Variants in MYH3 observed in about 807,000 individuals in gnomAD.
The protein encoded by MYH3 is myosin heavy chain 3.
MYH3 carries 130 observed loss-of-function variants against 238.0 expected under a neutral mutation model. The ratio of observed to expected loss-of-function variants is 0.55; its 90% CI spans 0.47 to 0.63. The LOEUF is 0.63. MYH3 is among the 30% of genes least tolerant of loss of function. MYH3 has a pLI of 0.00. For synonymous variants in MYH3, 880 were observed against 924.1 expected (o/e 0.95, Z 0.86); for missense variants, 1,853 against 2,374.9 (o/e 0.78, Z 4.57).
At position 10,649,574 on chromosome 17, in the gene MYH3, T is replaced by A; in HGVS notation, c.642+3A>T. ...AAAGCAAGCCTTCCTCTCCCATCTA[T>A]ACCTTCATTTTGGAGTCCTTCTTCT... On this transcript the variant is annotated splice_donor_region_variant and intron_variant, in intron 7 of 40. Transcript: ENST00000583535. The A allele has an allele frequency of 6.2e-7, 1 of 1,611,364 alleles. No homozygotes were observed. The highest frequency in any genetic ancestry group is 1.3e-5 in the African/African-American group (1 of 74,998).
chr17:10,662,399 C>T, the MYH3 span, among the ~76,000 whole-genome samples: 341 of 152,286 alleles, frequency 2.2e-3, 1 homozygote, highest in Non-Finnish European at 3.4e-3. Flanking sequence ...TATCTAAATG[C>T]GACCACTGTT....
At chr17:10,667,202 A>C in the MYH3 span, among the ~76,000 whole-genome samples, 1 of 152,260 alleles carries the variant, frequency 6.6e-6, no homozygotes, top group Non-Finnish European at 1.5e-5. Context: ...TTCCATTGGG[A>C]AAACCACTTC....
intron 10 of MYH3, 85 bp from the exon 11 acceptor site, chr17:10,646,117 G>A: frequency 8.8e-7 from 1 of 1,130,214 alleles, no homozygotes; most frequent in Non-Finnish European, 1.3e-6. Context: ...ACCCTGGGCT[G>A]GAACTTTTAC....
intron 8 of MYH3, among the ~76,000 whole-genome samples, chr17:10,648,142 T>C (rs1007847869): frequency 2.6e-5 from 4 of 152,138 alleles, no homozygotes; most frequent in African/African-American, 9.7e-5. Context: ...CCTCATCTCA[T>C]GGAACTGGCC....
In MYH3 at chr17:10,639,796, C is replaced by T. The variant is rs1265665989; in HGVS notation, c.2689G>A (p.Glu897Lys). The stretch of plus-strand genomic sequence containing the variant: ...CTTTCCTCAGCATCCAACAAATTTT[C>T]GCTTTCCTTAAAAAAAAAAGAATAA... ...DLQLQVQAES[E>K]NLLDAEERCD... Residue 897 changes from glutamate to lysine, a missense_variant, in exon 23 of 41, where the codon GAA becomes AAA. By Grantham distance (56) the Glu-to-Lys change is moderately conservative. Transcript: ENST00000583535. 5.0e-6 allele frequency: 8 copies of T among 1,613,404 alleles called. No individual in the cohort carries two copies. Among genetic ancestry groups the T allele is most frequent in the South Asian group, 3.3e-5 (3 of 90,982 alleles).
At chr17:10,645,513 G>T (rs978177093) in intron 12 of MYH3, among the ~76,000 whole-genome samples, 194 bp downstream of exon 12, 1 of 151,962 alleles carries the variant, frequency 6.6e-6, no homozygotes, top group Non-Finnish European at 1.5e-5. Flanking sequence ...AGTAGAGATG[G>T]GGTTTCACCA....
chr17:10,635,333 A>G (rs2074203505), intron 30 of MYH3, 34 bp downstream of exon 30: 4 of 1,613,830 alleles, frequency 2.5e-6, no homozygotes, highest in Non-Finnish European at 3.4e-6. Context: ...TTCATTCCTA[A>G]GTAGTTCTTC....
the MYH3 span, chr17:10,677,355 T>G: frequency 6.6e-6 from 1 of 151,900 alleles, no homozygotes; most frequent in African/African-American, 2.4e-5. Context: ...CAAAAAAAAG[T>G]ACAAACTAAT....
At chr17:10,639,256 A>C in intron 24 of MYH3, 42 bp downstream of exon 24, 1 of 1,613,948 alleles carries the variant, frequency 6.2e-7, no homozygotes, top group Non-Finnish European at 8.5e-7. Context: ...GGCTCTTCCA[A>C]CCCTGGAGTT....
chr17:10,637,686 TC>T, intron 28 of MYH3, 122 bp downstream of exon 28: 1 of 1,332,312 alleles, frequency 7.5e-7, no homozygotes, highest in Non-Finnish European at 1.1e-6. Flanking sequence ...CAATTTCTTC[TC>T]TCCTGAAAAG....
At chr17:10,640,295 C>T (rs1348728111) in intron 21 of MYH3, 38 bp downstream of exon 21, 1 of 1,614,220 alleles carries the variant, frequency 6.2e-7, no homozygotes, top group South Asian at 1.1e-5. Context: ...ACTCCCCTTC[C>T]CCAAAGAGCT....
At chr17:10,652,059 T>C in intron 4 of MYH3, 1 of 393,312 alleles carries the variant, frequency 2.5e-6, no homozygotes, top group Non-Finnish European at 4.8e-6. Context: ...TATTATCTCA[T>C]GTTTCTTTGG....
At chr17:10,650,632 T>C (rs1358956123) in intron 5 of MYH3, among the ~76,000 whole-genome samples, 1 of 152,246 alleles carries the variant, frequency 6.6e-6, no homozygotes, top group East Asian at 1.9e-4. Flanking sequence ...GATGATTTGA[T>C]ATATGTTTAT....
chr17:10,635,085 T>C (rs2074200397), intron 30 of MYH3, 62 bp from the exon 31 acceptor site: 2 of 1,533,442 alleles, frequency 1.3e-6, no homozygotes, highest in East Asian at 2.2e-5. Context: ...AACATCACTA[T>C]TCATCAAGTT....
At chr17:10,664,339 G>T in the MYH3 span, among the ~76,000 whole-genome samples, 50 of 152,264 alleles carry the variant, frequency 3.3e-4, no homozygotes, top group Admixed American at 7.8e-4. Flanking sequence ...CACGAGACAG[G>T]TAGAGAAACT....
At chr17:10,636,394 C>G (rs928197463) in intron 28 of MYH3, among the ~76,000 whole-genome samples, 106 of 151,620 alleles carry the variant, frequency 7.0e-4, no homozygotes, top group African/African-American at 2.4e-3. Flanking sequence ...GTAAACGTTA[C>G]CAGGAGCACC....
rs192281497 is a variant in MYH3 at position 10,650,138 on chromosome 17, A to T, written c.533+236T>A. Among the ~76,000 whole-genome samples, 366 of 151,696 alleles carry T rather than the reference A, an allele frequency of 2.4e-3. 1 individual carries two copies. Among genetic ancestry groups the T allele is most frequent in the African/African-American group, 8.5e-3 (351 of 41,332 alleles). ...AGGTGCCCGCCACCACACCCAGCTAATTTTTTTGTATTTTTTTTAGTAGAG... is the reference window on the plus strand; with the variant it reads ...AGGTGCCCGCCACCACACCCAGCTATTTTTTTTGTATTTTTTTTAGTAGAG... On this transcript the variant is annotated intron_variant, in intron 6 of 40. Transcript: ENST00000583535.
rs760947043 is a variant in MYH3, at chr17:10,642,754, G to C, written c.1582-31C>G. 1 of 1,614,156 alleles carries C rather than the reference G, an allele frequency of 6.2e-7. No homozygotes were observed. The highest frequency in any genetic ancestry group is 8.5e-7 in the Non-Finnish European group (1 of 1,180,044). ...TTGAAGGCAAGGCAAAGTGCAGAGA[G>C]GTAAATATGAGCTGCAGTAATGAGC... On this transcript the variant is annotated intron_variant, in intron 15 of 40. Transcript: ENST00000583535. The surrounding 1 kb of genome is among the most constrained non-coding windows in gnomAD (Gnocchi z 5.4).
the MYH3 span, among the ~76,000 whole-genome samples, chr17:10,671,571 CATT>C: frequency 4.1e-5 from 5 of 122,486 alleles, no homozygotes; most frequent in African/African-American, 1.6e-4. Flanking sequence ...TTCTCAGGGT[CATT>C]TTTTTTTTTT....
Sources: gnomAD v4.1 joint callset for allele counts (sites outside exome capture counted in the v4.1 genomes callset) on GRCh38, gnomAD v4.1.1 for gene constraint, Gnocchi (gnomAD v3.1) non-coding constraint, MANE v1.5 for transcripts, NCBI Gene and HGNC (gene_info 2026-07-23, HGNC 2026-07-21) for gene names.